Variants in LURAP1L observed in about 807,000 individuals in gnomAD.
LURAP1L encodes the protein leucine rich adaptor protein 1-like.
LURAP1L carries 12 observed loss-of-function variants against 13.8 expected under a neutral mutation model. That is an observed-to-expected ratio of 0.87 (90% confidence interval 0.56 to 1.41). LURAP1L has a LOEUF of 1.41. Ranked by LOEUF, LURAP1L falls within the 40% of genes most tolerant of loss-of-function variation. The pLI is 0.00. For synonymous variants in LURAP1L, 139 were observed against 119.2 expected, an observed-to-expected ratio of 1.17 and a Z score of -1.08; for missense variants, 375 against 292.9, an observed-to-expected ratio of 1.28 and a Z score of -2.04.
Position 12,777,367 on chromosome 9 carries a change from T to C in LURAP1L, c.312+1340T>C, listed in dbSNP as rs114475791. ...GTATCACAAAGATCAGACATACGTG[T>C]GGAGACTAACAGGTAAAACTATTTT... On this transcript the variant is annotated intron_variant, in intron 1 of 1. Coordinates refer to ENST00000319264, the MANE Select transcript of LURAP1L (RefSeq NM_203403.2). 1.2e-3 allele frequency: 1,149 copies of C among 985,328 alleles called. 13 individuals carry two copies. The African/African-American group carries it at 0.019, about 16-fold the overall frequency. The allele number at this position is 985,328 out of a possible 1,614,324, so 61.0% of individuals were successfully genotyped here.
chr9:12,810,430 A>C (rs1467101326), intron 1 of LURAP1L, among the ~76,000 whole-genome samples: 1 of 152,178 alleles, frequency 6.6e-6, no homozygotes, highest in Non-Finnish European at 1.5e-5. Context: ...TTTTCTGATG[A>C]ACCTAAGCAT....
intron 1 of LURAP1L, among the ~76,000 whole-genome samples, chr9:12,797,889 A>AT (rs895298189): frequency 8.5e-5 from 13 of 152,080 alleles, no homozygotes; most frequent in African/African-American, 2.9e-4. Flanking sequence ...ACATAAATTC[A>AT]TTTTGTTTGT....
At chr9:12,812,812 G>A (rs542279140) in intron 1 of LURAP1L, among the ~76,000 whole-genome samples, 9 of 152,132 alleles carry the variant, frequency 5.9e-5, no homozygotes, top group East Asian at 3.9e-4. Flanking sequence ...TAGAAATATA[G>A]CCATCAAAAA....
intron 1 of LURAP1L, among the ~76,000 whole-genome samples, chr9:12,778,319 G>A (rs1302494530): frequency 6.6e-6 from 1 of 152,110 alleles, no homozygotes; most frequent in Non-Finnish European, 1.5e-5. Context: ...TCTAGTCATG[G>A]CTTTTTCACT....
rs752956210 is a variant in LURAP1L at position 12,775,863 on chromosome 9, G to GGCGGCGGCC, written c.156_157insCGCGGCGGC (p.Gly52_Gly53insArgGlyGly). 4.7e-5 allele frequency: 66 copies of GGCGGCGGCC among 1,418,660 alleles called. No individual in the cohort carries two copies. The highest frequency in any genetic ancestry group is 5.8e-5 in the Non-Finnish European group (63 of 1,087,806). 87.9% of individuals were successfully genotyped at this position (1,418,660 alleles called of 1,614,324 possible). ...CCCCTGCGGGGGGAGCGGTGGTGGT[G>GGCGGCGGCC]GCGGCGGCGGCGGCGGCTGCAGTAG... On this transcript the variant is annotated inframe_insertion, in exon 1 of 2. Coordinates refer to ENST00000319264, the MANE Select transcript of LURAP1L (RefSeq NM_203403.2).
At chr9:12,795,223 A>G (rs1029071452) in intron 1 of LURAP1L, among the ~76,000 whole-genome samples, 5 of 151,738 alleles carry the variant, frequency 3.3e-5, no homozygotes, top group African/African-American at 4.8e-5. Context: ...CCTATTTCCT[A>G]CACTTTTTGT....
intron 1 of LURAP1L, among the ~76,000 whole-genome samples, chr9:12,806,594 T>G (rs1819660013): frequency 6.6e-6 from 1 of 152,174 alleles, no homozygotes; most frequent in South Asian, 2.1e-4. Context: ...CTTTGCTTTA[T>G]TTTCAAATGT....
At chr9:12,820,511 C>A (rs868219749) in intron 1 of LURAP1L, among the ~76,000 whole-genome samples, 25 of 88,836 alleles carry the variant, frequency 2.8e-4, no homozygotes, top group East Asian at 8.9e-4. Flanking sequence ...CCCCCCCCCC[C>A]CCCAAAAAAA....
At chr9:12,811,744 A>G (rs1819738830) in intron 1 of LURAP1L, among the ~76,000 whole-genome samples, 2 of 152,242 alleles carry the variant, frequency 1.3e-5, no homozygotes, top group African/African-American at 4.8e-5. Flanking sequence ...TTCAAGCTGC[A>G]TAACAAATAT....
chr9:12,819,995 C>T (rs1345022067), intron 1 of LURAP1L, among the ~76,000 whole-genome samples: 1 of 152,054 alleles, frequency 6.6e-6, no homozygotes, highest in Non-Finnish European at 1.5e-5. Context: ...GTGACTAGGA[C>T]CTCTAGTGGC....
chr9:12,805,534 G>A (rs1270431521), intron 1 of LURAP1L, among the ~76,000 whole-genome samples: 1 of 152,058 alleles, frequency 6.6e-6, no homozygotes, highest in African/African-American at 2.4e-5. Context: ...CTCCTTTTCA[G>A]TGAAAAATGA....
rs992459559 is a variant in LURAP1L at position 12,777,286 on chromosome 9, T to C, written c.312+1259T>C. 7 of 985,036 alleles carry C rather than the reference T, an allele frequency of 7.1e-6. No homozygotes were observed. The African/African-American group carries it at 1.0e-4, about 15-fold the overall frequency. The allele number at this position is 985,036 out of a possible 1,614,324, so 61.0% of individuals were successfully genotyped here. A position where few individuals can be genotyped will look rare whatever the true frequency, so the allele number is the denominator to read the frequency against. On this transcript the variant is annotated intron_variant, in intron 1 of 1. Coordinates refer to ENST00000319264, the MANE Select transcript of LURAP1L (RefSeq NM_203403.2). The stretch of plus-strand genomic sequence containing the variant: ...CATCTTGATGAGTTTGCAAAATAGA[T>C]GAAAAGATAAAATGGAAAAGATGAC...
chr9:12,788,899 A>C lies in LURAP1L; in HGVS notation c.312+12872A>C, dbSNP rs544354551. ...CAACAAAGCGAGACCCTATATCTAT[A>C]TATATATATATATTTTTAATAAGCT... On this transcript the variant is annotated intron_variant, in intron 1 of 1. Coordinates refer to ENST00000319264, the MANE Select transcript of LURAP1L (RefSeq NM_203403.2). Among the ~76,000 whole-genome samples, 221 of 150,412 alleles carry C rather than the reference A, an allele frequency of 1.5e-3. 2 individuals are homozygous for C. The highest frequency in any genetic ancestry group is 4.8e-3 in the African/African-American group (198 of 41,252).
intron 1 of LURAP1L, among the ~76,000 whole-genome samples, chr9:12,788,148 G>GAAGAAAAAGAAAGAAAGAAAGA (rs1819385074): frequency 8.5e-6 from 1 of 117,330 alleles, no homozygotes; most frequent in Admixed American, 9.3e-5. Context: ...GAAAGAGAAA[G>GAAGAAAAAGAAAGAAAGAAAGA]AAGAAAGAAA....
At chr9:12,788,561 A>C (rs1172128875) in intron 1 of LURAP1L, among the ~76,000 whole-genome samples, 1 of 152,184 alleles carries the variant, frequency 6.6e-6, no homozygotes, top group African/African-American at 2.4e-5. Context: ...GCAATGACCT[A>C]AATGGCCAAT....
intron 1 of LURAP1L, among the ~76,000 whole-genome samples, chr9:12,812,029 G>A (rs1209288468): frequency 6.6e-6 from 1 of 152,148 alleles, no homozygotes; most frequent in Non-Finnish European, 1.5e-5. Context: ...CTCACAAGGG[G>A]CAGTTCACAG....
At chr9:12,791,766 C>T (rs1404726246) in intron 1 of LURAP1L, among the ~76,000 whole-genome samples, 2 of 151,826 alleles carry the variant, frequency 1.3e-5, no homozygotes, top group East Asian at 1.9e-4. Flanking sequence ...CATGATATCA[C>T]TGTTCCTCAA....
At chr9:12,816,252 T>G (rs548878570) in intron 1 of LURAP1L, among the ~76,000 whole-genome samples, 1 of 152,308 alleles carries the variant, frequency 6.6e-6, no homozygotes, top group African/African-American at 2.4e-5. Flanking sequence ...ATATGTTAGG[T>G]GGATGCCTCA....
intron 1 of LURAP1L, among the ~76,000 whole-genome samples, chr9:12,807,561 T>C (rs1819676929): frequency 6.6e-6 from 1 of 152,186 alleles, no homozygotes; most frequent in African/African-American, 2.4e-5. Flanking sequence ...AATTAATCTG[T>C]AACTTTATAT....
Sources: gnomAD v4.1 joint callset for allele counts (sites outside exome capture counted in the v4.1 genomes callset) on GRCh38, gnomAD v4.1.1 for gene constraint, MANE v1.5 for transcripts, NCBI Gene and HGNC (gene_info 2026-07-23, HGNC 2026-07-21) for gene names.